PLS3: variants seen among roughly 807,000 people sequenced by gnomAD.
PLS3 encodes the protein plastin 3, also known as plastin-3.
PLS3 carries 11 observed loss-of-function variants against 46.5 expected under a neutral mutation model. The ratio of observed to expected loss-of-function variants is 0.24; its 90% CI spans 0.15 to 0.39. The LOEUF is 0.39. Among genes scored for constraint, PLS3 ranks in the 10% least tolerant of loss-of-function variants. The pLI is 1.00. For synonymous variants in PLS3, 167 were observed against 162.2 expected, an observed-to-expected ratio of 1.03 and a Z score of -0.22; for missense variants, 308 against 461.8, an observed-to-expected ratio of 0.67 and a Z score of 3.05.
chrX:115,630,475 G>A (rs1399661780), intron 5 of PLS3, among the ~76,000 whole-genome samples: 1 of 109,029 alleles, frequency 9.2e-6, no homozygotes, highest in African/African-American at 3.3e-5. Context: ...TAATCAGTCT[G>A]CCTGACTTCT....
intron 8 of PLS3, chrX:115,639,826 A>T (rs2074876683): frequency 4.8e-6 from 2 of 414,953 alleles, no homozygotes; most frequent in African/African-American, 4.9e-5. Context: ...CATTCAAGTG[A>T]TTTAGTCCAG....
chrX:115,606,200 C>T (rs2074492601), intron 1 of PLS3, among the ~76,000 whole-genome samples: 1 of 44,335 alleles, frequency 2.3e-5, no homozygotes, highest in Non-Finnish European at 3.7e-5. Flanking sequence ...TGCAGTGATG[C>T]ACTGATGGCT....
At position 115,649,726 on chromosome X, in the gene PLS3, T is replaced by A. The variant is rs2074985745; in HGVS notation, c.*165T>A. On this transcript the variant is annotated 3_prime_UTR_variant, in exon 16 of 16. Transcript: ENST00000355899. ...CATGAGAGCCCTCAGGGGAAAGGGT[T>A]TAAGAAAAACAACTCCTCTTTCCCA... 1.8e-5 allele frequency: 7 copies of A among 396,563 alleles called. No homozygotes were observed. In the South Asian group the frequency reaches 5.4e-4, roughly 30 times the overall value. 32.7% of individuals were successfully genotyped at this position (396,563 alleles called of 1,213,427 possible). A position where few individuals can be genotyped will look rare whatever the true frequency, so the allele number is the denominator to read the frequency against.
intron 1 of PLS3, chrX:115,593,425 G>T (rs2074359108): frequency 9.0e-6 from 1 of 110,781 alleles, no homozygotes; most frequent in Non-Finnish European, 1.9e-5. Context: ...GCAAAATACC[G>T]CCAGGCTGAC....
intron 7 of PLS3, among the ~76,000 whole-genome samples, chrX:115,636,422 G>A (rs1338180045): frequency 9.0e-6 from 1 of 110,768 alleles, no homozygotes; most frequent in Non-Finnish European, 1.9e-5. Flanking sequence ...TAGCCAGGAT[G>A]GTCTTGATCT....
At chrX:115,601,633 A>T (rs1001174042) in intron 1 of PLS3, among the ~76,000 whole-genome samples, 2 of 104,585 alleles carry the variant, frequency 1.9e-5, no homozygotes. Context: ...AAAGTATAAT[A>T]AAAAAAATAT....
intron 1 of PLS3, among the ~76,000 whole-genome samples, chrX:115,596,154 T>C (rs901155049): frequency 8.9e-6 from 1 of 112,150 alleles, no homozygotes; most frequent in South Asian, 3.7e-4. Context: ...ACAAGGGTAG[T>C]TAAAGCATGA....
chrX:115,574,678 C>G (rs1424825057), intron 1 of PLS3, among the ~76,000 whole-genome samples: 1 of 110,934 alleles, frequency 9.0e-6, no homozygotes, highest in Non-Finnish European at 1.9e-5. Flanking sequence ...CTCCCAGATT[C>G]AAGCGATTCT....
chrX:115,643,392 C>T lies in PLS3; in HGVS notation c.1067C>T (p.Ala356Val), dbSNP rs1556641265. 8.4e-7 allele frequency: 1 copy of T among 1,189,250 alleles called. No individual in the cohort carries two copies. The highest frequency in any genetic ancestry group is 1.8e-5 in the South Asian group (1 of 56,473). ...KLGCRQFVTP[A>V]DVVSGNPKLN... ...GGTTGCAGACAGTTTGTTACCCCTG[C>T]TGATGTTGTCAGTGGAAACCCCAAA... Residue 356 changes from alanine (A) to valine (V), a missense_variant, in exon 10 of 16, where the codon GCT (alanine) becomes GTT (valine). Coordinates refer to ENST00000355899, the MANE Select transcript of PLS3 (RefSeq NM_005032.7).
At chrX:115,595,510 G>A (rs1176120058) in intron 1 of PLS3, among the ~76,000 whole-genome samples, 1 of 109,875 alleles carries the variant, frequency 9.1e-6, no homozygotes, top group South Asian at 3.9e-4. Flanking sequence ...GGAGAAGAAA[G>A]GACAGGAAGA....
At chrX:115,602,605 C>T (rs1160235207) in intron 1 of PLS3, among the ~76,000 whole-genome samples, 1 of 111,231 alleles carries the variant, frequency 9.0e-6, no homozygotes, top group Admixed American at 9.7e-5. Flanking sequence ...GACAACACCC[C>T]TTTTCTGATC....
chrX:115,572,105 AT>A lies in PLS3; in HGVS notation c.-9+10848del, dbSNP rs200447733. Among the ~76,000 whole-genome samples the A allele has an allele frequency of 9.4e-3, 1,056 of 112,159 alleles. 6 individuals carry two copies. Among genetic ancestry groups the A allele is most frequent in the East Asian group, 0.029 (104 of 3,587 alleles). ...ACTAACAGAAAAGTAATATTGATAG[AT>A]TTACATGTTTAAAAATATAAGCCAA... On this transcript the variant is annotated intron_variant, in intron 1 of 15. Transcript: ENST00000355899.
intron 1 of PLS3, among the ~76,000 whole-genome samples, chrX:115,595,794 C>T (rs1487962816): frequency 1.9e-5 from 2 of 105,322 alleles, no homozygotes; most frequent in Non-Finnish European, 3.9e-5. Flanking sequence ...GTTCAAGCAG[C>T]TCTCCTGCCT....
At chrX:115,630,891 A>G (rs1454697370) in intron 5 of PLS3, among the ~76,000 whole-genome samples, 2 of 95,483 alleles carry the variant, frequency 2.1e-5, no homozygotes, top group Admixed American at 2.6e-4. Context: ...ATATATGTAT[A>G]ATATATGTAT....
intron 1 of PLS3, among the ~76,000 whole-genome samples, chrX:115,584,029 G>A (rs2074293494): frequency 9.0e-6 from 1 of 111,606 alleles, no homozygotes; most frequent in African/African-American, 3.3e-5. Context: ...CATGGATTTG[G>A]TGCTATTAGA....
chrX:115,620,487 A>G (rs1403670578), intron 2 of PLS3, among the ~76,000 whole-genome samples: 1 of 109,688 alleles, frequency 9.1e-6, no homozygotes, highest in Non-Finnish European at 1.9e-5. Context: ...TCTATAACCC[A>G]GGGTTACTCA....
intron 1 of PLS3, among the ~76,000 whole-genome samples, chrX:115,563,860 C>G (rs1393229876): frequency 5.4e-5 from 6 of 112,053 alleles, no homozygotes; most frequent in African/African-American, 1.9e-4. Context: ...ATAGACCCCT[C>G]TAGTGGAAGT....
chrX:115,565,946 T>A (rs2074169080), intron 1 of PLS3, among the ~76,000 whole-genome samples: 1 of 112,108 alleles, frequency 8.9e-6, no homozygotes, highest in African/African-American at 3.2e-5. Flanking sequence ...GAATTTAGGG[T>A]CTTTTAGTCC....
chrX:115,622,216 C>T (rs375399996), intron 2 of PLS3, 30 bp from the exon 3 acceptor site: 6 of 1,164,599 alleles, frequency 5.2e-6, no homozygotes, highest in Admixed American at 2.6e-5. Context: ...ATTTTTTTTC[C>T]TTTTTTGCTT....
Sources: gnomAD v4.1 joint callset for allele counts (sites outside exome capture counted in the v4.1 genomes callset) on GRCh38, gnomAD v4.1.1 for gene constraint, MANE v1.5 for transcripts, NCBI Gene and HGNC (gene_info 2026-07-23, HGNC 2026-07-21) for gene names.